The following OTOGL variants were observed in gnomAD, a reference collection of about 807,000 sequenced individuals.
OTOGL encodes otogelin-like protein.
Under a neutral mutation model 318.5 loss-of-function variants are expected in OTOGL, and 285 were observed. That is an observed-to-expected ratio of 0.89 (90% CI 0.81 to 0.99). The LOEUF (loss-of-function observed/expected upper bound fraction) is 0.99, where lower values mean the gene tolerates loss of function less well. OTOGL is among the 50% of genes least tolerant of loss of function. The pLI is 0.00. For synonymous variants in OTOGL, 987 were observed against 936.5 expected (o/e 1.05, Z -0.99); for missense variants, 2,899 against 2,845.6 (o/e 1.02, Z -0.43).
At chr12:80,289,277 CAGAGGGG>C (rs1345992785) in intron 26 of OTOGL, among the ~76,000 whole-genome samples, 5 of 152,140 alleles carry the variant, frequency 3.3e-5, no homozygotes, top group African/African-American at 1.2e-4. Flanking sequence ...AGCTTCATCC[CAGAGGGG>C]CACGCATCTG....
At chr12:80,308,123 G>A (rs1171906397) in intron 29 of OTOGL, among the ~76,000 whole-genome samples, 1 of 148,192 alleles carries the variant, frequency 6.7e-6, no homozygotes, top group African/African-American at 2.5e-5. Context: ...CTCCCGGACG[G>A]GGCGGCTGGC....
At chr12:80,167,181 G>A (rs1298845446) in intron 1 of OTOGL, among the ~76,000 whole-genome samples, 3 of 152,050 alleles carry the variant, frequency 2.0e-5, no homozygotes, top group Non-Finnish European at 2.9e-5. Context: ...CAGTCACGGA[G>A]TTGGAAAAGA....
At position 80,353,598 on chromosome 12, in the gene OTOGL, G is replaced by T. The variant is rs1159391539; in HGVS notation, c.5593+88G>T. 2.8e-6 allele frequency: 3 copies of T among 1,079,968 alleles called. No homozygotes were observed. In the African/African-American group the frequency reaches 4.9e-5, roughly 18 times the overall value. The allele number at this position is 1,079,968 out of a possible 1,614,324, so 66.9% of individuals were successfully genotyped here. ...GATATTGCAGAGATGTGCTAACAAA[G>T]GTTTATCAAAGACAGCCTCTGTTGG... is the stretch of plus-strand genomic sequence containing the variant. On this transcript the variant is annotated intron_variant, in intron 46 of 58. Transcript: ENST00000547103.
chr12:80,161,820 T>C (rs1158855211), intron 1 of OTOGL, among the ~76,000 whole-genome samples: 1 of 152,164 alleles, frequency 6.6e-6, no homozygotes, highest in Non-Finnish European at 1.5e-5. Context: ...ATATCTGCTT[T>C]CTTACAGTCA....
At chr12:80,345,878 C>A (rs1026817494) in intron 44 of OTOGL, among the ~76,000 whole-genome samples, 1 of 152,128 alleles carries the variant, frequency 6.6e-6, no homozygotes, top group African/African-American at 2.4e-5. Flanking sequence ...TGTCTTCAGA[C>A]AACATCTTTA....
At chr12:80,149,050 A>C (rs1402743343) in intron 1 of OTOGL, among the ~76,000 whole-genome samples, 1 of 152,080 alleles carries the variant, frequency 6.6e-6, no homozygotes, top group Admixed American at 6.6e-5. Flanking sequence ...TTCTTCTCTC[A>C]GCTCGTCAAA....
intron 1 of OTOGL, among the ~76,000 whole-genome samples, chr12:80,169,060 C>T (rs1013715305): frequency 3.3e-5 from 5 of 152,086 alleles, no homozygotes; most frequent in Admixed American, 2.6e-4. Flanking sequence ...TCTTGTTTGC[C>T]TTCTAGATTT....
intron 18 of OTOGL, among the ~76,000 whole-genome samples, chr12:80,260,650 CTT>C: frequency 6.6e-6 from 1 of 152,044 alleles, no homozygotes; most frequent in Non-Finnish European, 1.5e-5. Context: ...TTTTGTATGC[CTT>C]ATTATAATAA....
intron 43 of OTOGL, 37 bp downstream of exon 43, chr12:80,339,301 T>TTC (rs1309356234): frequency 3.4e-5 from 26 of 768,104 alleles, no homozygotes; most frequent in Non-Finnish European, 5.4e-6. Context: ...TTCGTCTGTT[T>TTC]TTTTTTTTTT....
At chr12:80,323,684 A>G (rs1887493283) in intron 34 of OTOGL, 39 bp from the exon 35 acceptor site, 1 of 1,458,166 alleles carries the variant, frequency 6.9e-7, no homozygotes, top group Non-Finnish European at 9.6e-7. Context: ...CAAGCTATGT[A>G]TTAAATATGC....
intron 1 of OTOGL, among the ~76,000 whole-genome samples, chr12:80,111,506 TC>T: frequency 6.6e-6 from 1 of 152,326 alleles, no homozygotes; most frequent in African/African-American, 2.4e-5. Context: ...AAATAGAGAA[TC>T]CTTTCCCCAT....
chr12:80,357,567 A>C (rs1368399565), intron 49 of OTOGL, among the ~76,000 whole-genome samples: 1 of 152,186 alleles, frequency 6.6e-6, no homozygotes, highest in Middle Eastern at 3.2e-3. Flanking sequence ...CTGTTATTGG[A>C]AGAATCTGGG....
rs1026322306 is a variant in OTOGL, at chr12:80,286,451, C to T, written c.2928+7285C>T. Reference sequence around the variant, plus strand: ...TGGAATAGTTTCAGAAGGAATGGTACCAGCTCCTTTTTGTAACTCTGGTAG... The same window carrying T: ...TGGAATAGTTTCAGAAGGAATGGTATCAGCTCCTTTTTGTAACTCTGGTAG... On this transcript the variant is annotated intron_variant, in intron 26 of 58. Transcript: ENST00000547103. Among the ~76,000 whole-genome samples the T allele has an allele frequency of 3.9e-5, 6 of 152,116 alleles. 1 individual carries two copies. The highest frequency in any genetic ancestry group is 7.4e-5 in the Non-Finnish European group (5 of 68,020).
At chr12:80,298,949 C>A (rs986344743) in intron 27 of OTOGL, among the ~76,000 whole-genome samples, 1 of 152,090 alleles carries the variant, frequency 6.6e-6, no homozygotes, top group Non-Finnish European at 1.5e-5. Context: ...AAAAACTGAC[C>A]TATATTCTGA....
chr12:80,355,224 C>CTTTCTTTTTTTTTTTTTTTTTTTTTTTTT (rs1889799791), intron 46 of OTOGL, among the ~76,000 whole-genome samples: 1 of 65,602 alleles, frequency 1.5e-5, no homozygotes, highest in African/African-American at 6.0e-5. Context: ...TTCTTTCTTT[C>CTTTCTTTTTTTTTTTTTTTTTTTTTTTTT]TTTTCTTTTT....
intron 1 of OTOGL, among the ~76,000 whole-genome samples, chr12:80,193,863 T>C (rs1875868036): frequency 6.6e-6 from 1 of 152,182 alleles, no homozygotes; most frequent in South Asian, 2.1e-4. Context: ...GATTTGTGAA[T>C]GTGAAATATA....
chr12:80,319,795 C>T lies in OTOGL; in HGVS notation c.3803-627C>T, dbSNP rs191043591. Reference sequence around the variant, plus strand: ...ACAAATATAAGGTAAATGTTAAAAGCTCTAGCTGAAAAAGGGTGATAATTT... The same window carrying T: ...ACAAATATAAGGTAAATGTTAAAAGTTCTAGCTGAAAAAGGGTGATAATTT... On this transcript the variant is annotated intron_variant, in intron 33 of 58. Coordinates refer to ENST00000547103, the MANE Select transcript of OTOGL (RefSeq NM_001378609.3). 4.2e-4 allele frequency among the ~76,000 whole-genome samples: 64 copies of T among 152,136 alleles called. No homozygotes were observed. In the East Asian group the frequency reaches 8.1e-3, roughly 19 times the overall value.
chr12:80,135,418 G>T (rs527982243), intron 1 of OTOGL, among the ~76,000 whole-genome samples: 35 of 151,748 alleles, frequency 2.3e-4, no homozygotes, highest in African/African-American at 8.2e-4. Context: ...GATTACAGGT[G>T]CCTACCACCA....
At chr12:80,307,971 T>C (rs1886317341) in intron 29 of OTOGL, among the ~76,000 whole-genome samples, 1 of 128,720 alleles carries the variant, frequency 7.8e-6, no homozygotes, top group African/African-American at 3.3e-5. Flanking sequence ...GCAGAGGGGC[T>C]CCTCAGTTCC....
Sources: gnomAD v4.1 joint callset for allele counts (sites outside exome capture counted in the v4.1 genomes callset) on GRCh38, gnomAD v4.1.1 for gene constraint, MANE v1.5 for transcripts, NCBI Gene and HGNC (gene_info 2026-07-23, HGNC 2026-07-21) for gene names.